TBC1D22A: variants seen among roughly 807,000 people sequenced by gnomAD.
TBC1D22A encodes the protein putative GTPase activator.
In TBC1D22A, 38 loss-of-function variants were observed where a neutral mutation model predicts 60.2. That is an observed-to-expected ratio of 0.63 (90% CI 0.49 to 0.83). The LOEUF (loss-of-function observed/expected upper bound fraction) is 0.83. Among genes scored for constraint, TBC1D22A ranks in the 40% least tolerant of loss-of-function variants. TBC1D22A has a pLI of 0.00. For synonymous variants in TBC1D22A, 302 were observed against 281.7 expected (o/e 1.07, Z -0.72); for missense variants, 628 against 701.0 (o/e 0.90, Z 1.18).
chr22:46,874,986 G>C (rs1702172163), intron 4 of TBC1D22A, among the ~76,000 whole-genome samples: 1 of 152,168 alleles, frequency 6.6e-6, no homozygotes, highest in South Asian at 2.1e-4. Flanking sequence ...CAGGTGCATA[G>C]ATTGCAAAGG....
intron 8 of TBC1D22A, among the ~76,000 whole-genome samples, chr22:46,959,000 T>C (rs1463574124): frequency 6.6e-6 from 1 of 152,126 alleles, no homozygotes; most frequent in Non-Finnish European, 1.5e-5. Context: ...TCTAATTCAG[T>C]ATAAAATGAA....
intron 10 of TBC1D22A, among the ~76,000 whole-genome samples, chr22:47,024,976 T>C (rs1305801574): frequency 6.6e-6 from 1 of 152,248 alleles, no homozygotes; most frequent in Non-Finnish European, 1.5e-5. Flanking sequence ...TCTATATTAA[T>C]GGCAAACAGT....
At chr22:47,021,322 G>A (rs1603033444) in intron 10 of TBC1D22A, among the ~76,000 whole-genome samples, 2 of 144,868 alleles carry the variant, frequency 1.4e-5, no homozygotes, top group Admixed American at 6.8e-5. Flanking sequence ...AACCCCACCT[G>A]TAGCCTGGAG....
At chr22:47,055,910 C>T (rs1183387389) in intron 11 of TBC1D22A, among the ~76,000 whole-genome samples, 1 of 151,784 alleles carries the variant, frequency 6.6e-6, no homozygotes, top group Admixed American at 6.6e-5. Flanking sequence ...AGATACGCCA[C>T]TGAGGGTTGG....
In TBC1D22A at chr22:47,154,175, C is replaced by T. The variant is rs1298000528; in HGVS notation, c.1426-19323C>T. 3.9e-5 allele frequency among the ~76,000 whole-genome samples: 6 copies of T among 152,260 alleles called. No homozygotes were observed. In the East Asian group the frequency reaches 9.7e-4, roughly 25 times the overall value. On this transcript the variant is annotated intron_variant, in intron 12 of 12. Transcript: ENST00000337137. ...ACTTCTCCTTCCTGCTGTTGAGGAA[C>T]AGACATGTCCCCGGAGCAGGGCGGT...
In TBC1D22A at chr22:47,158,092, G is replaced by C. The variant is rs535336038; in HGVS notation, c.1426-15406G>C. Among the ~76,000 whole-genome samples, 3 of 152,258 alleles carry C rather than the reference G, an allele frequency of 2.0e-5. No individual in the cohort carries two copies. In the South Asian group the frequency reaches 6.2e-4, roughly 32 times the overall value. On this transcript the variant is annotated intron_variant, in intron 12 of 12. Transcript: ENST00000337137. ...GAGGGCGCGTCTCACCCAGCACCAC[G>C]GCCTTCCAGGACGCCGCAGCTCCAG...
chr22:46,955,515 G>T (rs560480109), intron 8 of TBC1D22A, among the ~76,000 whole-genome samples: 1 of 152,324 alleles, frequency 6.6e-6, no homozygotes, highest in Admixed American at 6.5e-5. Flanking sequence ...TCGTTTGTGT[G>T]TGTGTGGTAG....
intron 10 of TBC1D22A, among the ~76,000 whole-genome samples, chr22:47,013,743 A>AT (rs1186531864): frequency 2.6e-5 from 4 of 152,162 alleles, no homozygotes; most frequent in African/African-American, 9.7e-5. Flanking sequence ...TGGTCCCAGC[A>AT]TTGGAGGGCA....
At chr22:47,108,608 C>G (rs1022703149) in intron 11 of TBC1D22A, among the ~76,000 whole-genome samples, 5 of 152,268 alleles carry the variant, frequency 3.3e-5, no homozygotes, top group African/African-American at 1.2e-4. Context: ...GATATGTCCA[C>G]TACCTCGGTT....
At chr22:47,060,491 C>T (rs1241694467) in intron 11 of TBC1D22A, among the ~76,000 whole-genome samples, 3 of 152,120 alleles carry the variant, frequency 2.0e-5, no homozygotes, top group East Asian at 1.9e-4. Context: ...AGTGCAGTGG[C>T]ACAATCTCGG....
At chr22:46,828,075 A>G (rs980492328) in intron 4 of TBC1D22A, among the ~76,000 whole-genome samples, 2 of 152,130 alleles carry the variant, frequency 1.3e-5, no homozygotes, top group Non-Finnish European at 2.9e-5. Flanking sequence ...CCATTGACTA[A>G]GATTAGAAGC....
chr22:46,806,341 ATTTT>A (rs34490073), intron 4 of TBC1D22A, among the ~76,000 whole-genome samples: 163 of 132,576 alleles, frequency 1.2e-3, no homozygotes, highest in African/African-American at 4.4e-3. Context: ...CTCTGTTCTG[ATTTT>A]TTTTTTTTTT....
intron 8 of TBC1D22A, among the ~76,000 whole-genome samples, chr22:46,942,386 T>G (rs1232596994): frequency 3.3e-5 from 5 of 152,168 alleles, no homozygotes; most frequent in Admixed American, 1.3e-4. Flanking sequence ...CTCCTGTTGG[T>G]TTCTTTGGGG....
chr22:46,811,545 G>A (rs1291951817), intron 4 of TBC1D22A, among the ~76,000 whole-genome samples: 1 of 152,198 alleles, frequency 6.6e-6, no homozygotes, highest in African/African-American at 2.4e-5. Context: ...TCTGAGTGGC[G>A]AGGGTGGCAG....
At chr22:47,012,376 G>A (rs1056003787) in intron 10 of TBC1D22A, among the ~76,000 whole-genome samples, 3 of 152,106 alleles carry the variant, frequency 2.0e-5, no homozygotes, top group Non-Finnish European at 2.9e-5. Context: ...GCACTGGTGC[G>A]TTCTTCTCTG....
In TBC1D22A at chr22:46,838,314, A is replaced by C. The variant is rs145306894; in HGVS notation, c.638-40339A>C. On this transcript the variant is annotated intron_variant, in intron 4 of 12. Transcript: ENST00000337137. ...CTCAAATGCAATCATAAATGAGGAA[A>C]TATTGATAAATTCCTAGAAACATAT... 2.9e-3 allele frequency among the ~76,000 whole-genome samples: 437 copies of C among 152,370 alleles called. 1 individual carries two copies. The highest frequency in any genetic ancestry group is 9.4e-3 in the African/African-American group (391 of 41,586).
intron 8 of TBC1D22A, chr22:46,915,528 G>C (rs1477792297): frequency 6.6e-6 from 3 of 456,696 alleles, no homozygotes; most frequent in Non-Finnish European, 1.3e-5. Flanking sequence ...GCCCGGGTGT[G>C]GCTACCTCCT....
intron 12 of TBC1D22A, 43 bp downstream of exon 12, chr22:47,111,646 A>G (rs774303251): frequency 7.8e-6 from 12 of 1,548,090 alleles, no homozygotes; most frequent in African/African-American, 4.1e-5. Flanking sequence ...TTGATTTTCT[A>G]CTAGGAGAGA....
At chr22:46,843,993 G>A (rs950869769) in intron 4 of TBC1D22A, among the ~76,000 whole-genome samples, 3 of 151,832 alleles carry the variant, frequency 2.0e-5, no homozygotes, top group African/African-American at 7.3e-5. Context: ...GCAGATAGAT[G>A]TTTGTGGGGT....
Sources: gnomAD v4.1 joint callset for allele counts (sites outside exome capture counted in the v4.1 genomes callset) on GRCh38, gnomAD v4.1.1 for gene constraint, MANE v1.5 for transcripts, NCBI Gene and HGNC (gene_info 2026-07-23, HGNC 2026-07-21) for gene names.